PCDH15: variants seen among roughly 807,000 people sequenced by gnomAD.
PCDH15 encodes protocadherin-15.
A neutral mutation model predicts 178.5 loss-of-function variants in PCDH15; 129 were observed. The ratio of observed to expected loss-of-function variants is 0.72; its 90% CI spans 0.63 to 0.84. The LOEUF (loss-of-function observed/expected upper bound fraction) is 0.84, where lower values mean the gene tolerates loss of function less well. Ranked by LOEUF, PCDH15 falls within the 40% of genes least tolerant of loss-of-function variation. The pLI, the probability that PCDH15 is intolerant of heterozygous loss-of-function variation, is 0.00. For missense variants in PCDH15, 2,230 were observed against 2,099.9 expected, an observed-to-expected ratio of 1.06 and a Z score of -1.21; for synonymous variants, 800 against 732.0, an observed-to-expected ratio of 1.09 and a Z score of -1.50.
At chr10:53,950,764 C>T (rs1176436970) in intron 23 of PCDH15, among the ~76,000 whole-genome samples, 3 of 152,094 alleles carry the variant, frequency 2.0e-5, no homozygotes, top group Non-Finnish European at 4.4e-5. Context: ...TGTGTTTGAA[C>T]TACTATTAGG....
At chr10:54,751,795 A>G (rs535976935) in intron 1 of PCDH15, among the ~76,000 whole-genome samples, 12 of 152,324 alleles carry the variant, frequency 7.9e-5, no homozygotes, top group African/African-American at 2.6e-4. Context: ...AGAGAATTAG[A>G]CAGTATCTTT....
intron 25 of PCDH15, among the ~76,000 whole-genome samples, chr10:53,930,938 C>A (rs2085007184): frequency 6.6e-6 from 1 of 152,058 alleles, no homozygotes; most frequent in South Asian, 2.1e-4. Flanking sequence ...TTCATTAACA[C>A]TTTGTAAAAG....
intron 3 of PCDH15, among the ~76,000 whole-genome samples, chr10:54,871,042 T>A (rs569156012): frequency 6.6e-6 from 1 of 152,278 alleles, no homozygotes; most frequent in Admixed American, 6.5e-5. Context: ...TAAGGATGAC[T>A]CTCAACCAGT....
intron 2 of PCDH15, among the ~76,000 whole-genome samples, chr10:55,126,020 G>T (rs1591922259): frequency 6.6e-6 from 1 of 152,056 alleles, no homozygotes; most frequent in Non-Finnish European, 1.5e-5. Flanking sequence ...CATTGACCAA[G>T]ATTTTTGAGT....
At chr10:54,059,112 A>T (rs957630749) in intron 18 of PCDH15, among the ~76,000 whole-genome samples, 5 of 152,176 alleles carry the variant, frequency 3.3e-5, no homozygotes, top group Non-Finnish European at 7.3e-5. Context: ...TTCCATGAGA[A>T]CAACTTTTTC....
intron 3 of PCDH15, among the ~76,000 whole-genome samples, chr10:54,852,191 T>C (rs188880014): frequency 6.6e-6 from 1 of 152,282 alleles, no homozygotes; most frequent in East Asian, 1.9e-4. Context: ...TCTAGGGAGA[T>C]CACAATGTAT....
chr10:54,777,700 A>T (rs886269178), intron 1 of PCDH15, among the ~76,000 whole-genome samples: 1 of 152,100 alleles, frequency 6.6e-6, no homozygotes, highest in Non-Finnish European at 1.5e-5. Flanking sequence ...ACTTTCATTC[A>T]GAGTTTTTAC....
Position 54,112,801 on chromosome 10 carries a change from T to C in PCDH15, c.1917+20074A>G, listed in dbSNP as rs1222811994. Among the ~76,000 whole-genome samples, 3 of 152,288 alleles carry C rather than the reference T, an allele frequency of 2.0e-5. No homozygotes were observed. The East Asian group carries it at 5.8e-4, about 29-fold the overall frequency. ...AATAATAATATATTTAAAGCTAATC[T>C]AAACTCACAATAATCTTGGGGATAT... On this transcript the variant is annotated intron_variant, in intron 15 of 37. Coordinates refer to ENST00000644397, the MANE Select transcript of PCDH15 (RefSeq NM_001384140.1).
chr10:54,136,998 T>A (rs965442855), intron 14 of PCDH15, among the ~76,000 whole-genome samples: 2 of 152,216 alleles, frequency 1.3e-5, no homozygotes, highest in African/African-American at 2.4e-5. Context: ...TCTTGAGGGT[T>A]ACTGCCTTTT....
chr10:53,984,522 C>G (rs948834160), intron 21 of PCDH15, among the ~76,000 whole-genome samples: 1 of 152,030 alleles, frequency 6.6e-6, no homozygotes, highest in African/African-American at 2.4e-5. Flanking sequence ...GACAGTTTTC[C>G]CTTATGCTTA....
At chr10:53,987,931 T>A (rs918005278) in intron 21 of PCDH15, among the ~76,000 whole-genome samples, 2 of 152,104 alleles carry the variant, frequency 1.3e-5, no homozygotes, top group African/African-American at 2.4e-5. Context: ...ATTCTGAGAG[T>A]CTATTTCCAG....
At chr10:53,842,342 C>T (rs560504884) in intron 28 of PCDH15, among the ~76,000 whole-genome samples, 44 of 152,202 alleles carry the variant, frequency 2.9e-4, no homozygotes, top group African/African-American at 9.6e-4. Context: ...CTGCAACCTC[C>T]ACCTCCCGGG....
At chr10:55,204,167 G>T (rs2132162166) in intron 1 of PCDH15, among the ~76,000 whole-genome samples, 1 of 147,776 alleles carries the variant, frequency 6.8e-6, no homozygotes, top group East Asian at 2.0e-4. Flanking sequence ...ATATTTAAAG[G>T]ATTTTATACT....
chr10:54,913,191 C>T (rs915002070), intron 2 of PCDH15, among the ~76,000 whole-genome samples: 1 of 152,120 alleles, frequency 6.6e-6, no homozygotes, highest in African/African-American at 2.4e-5. Context: ...GGGGAAAATG[C>T]CTCAAAAGCT....
At chr10:55,513,378 G>GTT in intron 2 of PCDH15, among the ~76,000 whole-genome samples, 1 of 152,052 alleles carries the variant, frequency 6.6e-6, no homozygotes, top group African/African-American at 2.4e-5. Flanking sequence ...CATCTATGTA[G>GTT]TATTCTCTAG....
chr10:54,982,913 C>G (rs2131906630), intron 2 of PCDH15, among the ~76,000 whole-genome samples: 1 of 152,194 alleles, frequency 6.6e-6, no homozygotes. Context: ...GAGCTAGATT[C>G]TATCCCTGTG....
chr10:54,906,607 T>G lies in PCDH15; in HGVS notation c.-79-9107A>C, dbSNP rs921694829. Among the ~76,000 whole-genome samples, 8 of 152,134 alleles carry G rather than the reference T, an allele frequency of 5.3e-5. No homozygotes were observed. In the South Asian group the frequency reaches 1.7e-3, roughly 31 times the overall value. On this transcript the variant is annotated intron_variant, in intron 2 of 5. Coordinates refer to the PCDH15 transcript ENST00000458638. ...GCTCAGTGCTAGGCTCTTAACTAAT[T>G]GCCAGGGGTAATATTCCTCCAACAT...
At chr10:55,322,599 T>C (rs564751087), upstream of PCDH15, among the ~76,000 whole-genome samples, 1 of 152,154 alleles carries the variant, frequency 6.6e-6, no homozygotes, top group South Asian at 2.1e-4. Flanking sequence ...TAGATGGAGA[T>C]GAGGAACTTG....
intron 28 of PCDH15, among the ~76,000 whole-genome samples, chr10:53,845,852 A>G (rs1184411004): frequency 6.6e-6 from 1 of 151,872 alleles, no homozygotes; most frequent in African/African-American, 2.4e-5. Context: ...GTATATTTCA[A>G]AACAGCTAGA....
Sources: gnomAD v4.1 joint callset for allele counts (sites outside exome capture counted in the v4.1 genomes callset) on GRCh38, gnomAD v4.1.1 for gene constraint, MANE v1.5 for transcripts, NCBI Gene and HGNC (gene_info 2026-07-23, HGNC 2026-07-21) for gene names.